SENP5: variants seen among roughly 807,000 people sequenced by gnomAD.
The protein encoded by SENP5 is sentrin-specific protease 5.
Under a neutral mutation model 74.2 loss-of-function variants are expected in SENP5, and 21 were observed. That is an observed-to-expected ratio of 0.28 (90% CI 0.20 to 0.41). The LOEUF (loss-of-function observed/expected upper bound fraction) is 0.41. SENP5 is among the 10% of genes least tolerant of loss of function. SENP5 has a pLI of 1.00. For missense variants in SENP5, 717 were observed against 889.1 expected (o/e 0.81, Z 2.46); for synonymous variants, 311 against 312.7 (o/e 0.99, Z 0.06).
intron 6 of SENP5, among the ~76,000 whole-genome samples, chr3:196,907,018 G>T (rs935773626): frequency 2.0e-5 from 3 of 152,134 alleles, no homozygotes; most frequent in African/African-American, 7.2e-5. Flanking sequence ...TGAAGGACAA[G>T]GAAGTGTGAA....
chr3:196,918,514 A>G (rs1421556427), intron 6 of SENP5, among the ~76,000 whole-genome samples: 1 of 151,870 alleles, frequency 6.6e-6, no homozygotes, highest in African/African-American at 2.4e-5. Flanking sequence ...CAAAAAATCT[A>G]CAACAGGTAT....
chr3:196,897,140 C>A (rs1303822667), intron 2 of SENP5, among the ~76,000 whole-genome samples: 1 of 152,128 alleles, frequency 6.6e-6, no homozygotes, highest in Non-Finnish European at 1.5e-5. Flanking sequence ...ATTTGAGGAG[C>A]CTCAATCAAA....
At chr3:196,926,499 A>G (rs886280463) in intron 7 of SENP5, among the ~76,000 whole-genome samples, 5 of 149,636 alleles carry the variant, frequency 3.3e-5, no homozygotes, top group Non-Finnish European at 6.0e-5. Context: ...AAAAAAAAAG[A>G]ATTTATATAT....
chr3:196,885,366 A>G lies in SENP5; in HGVS notation c.185A>G (p.Lys62Arg). 1 of 1,614,210 alleles carries G rather than the reference A, an allele frequency of 6.2e-7. No individual in the cohort carries two copies. Among genetic ancestry groups the G allele is most frequent in the South Asian group, 1.1e-5 (1 of 91,090 alleles). Residue 62 changes from lysine to arginine, a missense_variant, in exon 2 of 10, where the codon AAA (lysine) becomes AGA (arginine). By Grantham distance (26) the Lys-to-Arg change is conservative. Coordinates refer to ENST00000323460, the MANE Select transcript of SENP5 (RefSeq NM_152699.5). ...TTGAGACATTTCCAGGGTAGAAAGAAAGCTCTTCAAATCCAGAAAACGTGG... is the reference window on the plus strand; with the variant it reads ...TTGAGACATTTCCAGGGTAGAAAGAGAGCTCTTCAAATCCAGAAAACGTGG... ...RQLRHFQGRK[K>R]ALQIQKTWIK...
chr3:196,877,162 A>T (rs1428358774), intron 1 of SENP5, among the ~76,000 whole-genome samples: 2 of 151,896 alleles, frequency 1.3e-5, no homozygotes, highest in Non-Finnish European at 2.9e-5. Context: ...TTACTACCTT[A>T]TTTTATTTTT....
chr3:196,880,638 C>CTTTTTTTTTTTT (rs56188124), intron 1 of SENP5, among the ~76,000 whole-genome samples: 1 of 101,964 alleles, frequency 9.8e-6, no homozygotes, highest in Non-Finnish European at 1.9e-5. Context: ...GCCAGTTATT[C>CTTTTTTTTTTTT]TTTTTTTTTT....
At chr3:196,869,038 T>C (rs1236875786) in intron 1 of SENP5, among the ~76,000 whole-genome samples, 1 of 152,068 alleles carries the variant, frequency 6.6e-6, no homozygotes, top group Non-Finnish European at 1.5e-5. Flanking sequence ...CATCCACATG[T>C]CTCACGCTTA....
intron 6 of SENP5, among the ~76,000 whole-genome samples, chr3:196,917,704 C>A (rs1715439227): frequency 6.6e-6 from 1 of 152,226 alleles, no homozygotes; most frequent in Non-Finnish European, 1.5e-5. Context: ...AATATCATAC[C>A]CAGCGAAAAT....
intron 1 of SENP5, among the ~76,000 whole-genome samples, chr3:196,884,678 T>TG (rs1935507303): frequency 6.6e-6 from 1 of 150,650 alleles, no homozygotes; most frequent in African/African-American, 2.5e-5. Flanking sequence ...TTTTTTGTTT[T>TG]TTTTTTTTTT....
At chr3:196,894,534 C>CT (rs200741660) in intron 2 of SENP5, among the ~76,000 whole-genome samples, 34,304 of 141,696 alleles carry the variant, frequency 0.24, 4,645 homozygotes, top group East Asian at 0.73. Flanking sequence ...GTTGCGAGTT[C>CT]TTTTTTTTTT....
chr3:196,919,319 A>G (rs1715517745), intron 6 of SENP5, among the ~76,000 whole-genome samples: 1 of 152,188 alleles, frequency 6.6e-6, no homozygotes, highest in African/African-American at 2.4e-5. Flanking sequence ...TGTCTCCACT[A>G]AAAATACAAA....
intron 2 of SENP5, among the ~76,000 whole-genome samples, chr3:196,888,570 CGA>C (rs1487626702): frequency 2.0e-5 from 3 of 147,462 alleles, no homozygotes; most frequent in Non-Finnish European, 4.5e-5. Context: ...GGCGACAGAG[CGA>C]GACTCTCTCA....
chr3:196,875,108 ACTAAAGGCATAGTCAGTATAACCTTCCC>A (rs897323660), intron 1 of SENP5, among the ~76,000 whole-genome samples: 1 of 152,194 alleles, frequency 6.6e-6, no homozygotes, highest in Non-Finnish European at 1.5e-5. Context: ...CATGTGAAAG[ACTAAAGGCATAGTCAGTATAACCTTCCC>A]CTAATCGATC....
At chr3:196,910,672 C>G (rs544556647) in intron 6 of SENP5, among the ~76,000 whole-genome samples, 3 of 151,988 alleles carry the variant, frequency 2.0e-5, no homozygotes, top group South Asian at 2.1e-4. Context: ...AGATTTAATG[C>G]TATTCCCATC....
chr3:196,893,801 T>C (rs1714316345), intron 2 of SENP5, among the ~76,000 whole-genome samples: 1 of 151,902 alleles, frequency 6.6e-6, no homozygotes, highest in African/African-American at 2.4e-5. Context: ...TCCCAGCTAC[T>C]TGGGAGGCTG....
chr3:196,922,980 T>A (rs1401267231), intron 6 of SENP5, among the ~76,000 whole-genome samples: 1 of 152,086 alleles, frequency 6.6e-6, no homozygotes, highest in Non-Finnish European at 1.5e-5. Flanking sequence ...CTCAAACTCC[T>A]GGGCTCAAGC....
chr3:196,910,891 C>T (rs191604389), intron 6 of SENP5, among the ~76,000 whole-genome samples: 1 of 152,204 alleles, frequency 6.6e-6, no homozygotes, highest in East Asian at 1.9e-4. Context: ...ACCAATGGAA[C>T]AGAACAGAGA....
At chr3:196,929,380 G>A (rs917171795) in intron 8 of SENP5, 5 of 382,004 alleles carry the variant, frequency 1.3e-5, no homozygotes, top group Non-Finnish European at 2.3e-5. Context: ...TTTAAAACAG[G>A]TTTTTACATT....
At chr3:196,876,136 C>G (rs1488434881) in intron 1 of SENP5, among the ~76,000 whole-genome samples, 1 of 152,160 alleles carries the variant, frequency 6.6e-6, no homozygotes, top group Non-Finnish European at 1.5e-5. Flanking sequence ...ATATGATATT[C>G]TAAACTAGAG....
Sources: gnomAD v4.1 joint callset for allele counts (sites outside exome capture counted in the v4.1 genomes callset) on GRCh38, gnomAD v4.1.1 for gene constraint, MANE v1.5 for transcripts, NCBI Gene and HGNC (gene_info 2026-07-23, HGNC 2026-07-21) for gene names.